The following SLC24A2 variants were observed in gnomAD, a reference collection of about 807,000 sequenced individuals.
The protein encoded by SLC24A2 is solute carrier family 24 member 2, also known as sodium/potassium/calcium exchanger 2.
Under a neutral mutation model 62.0 loss-of-function variants are expected in SLC24A2, and 36 were observed. The ratio of observed to expected loss-of-function variants is 0.58; its 90% confidence interval spans 0.44 to 0.77. The LOEUF is 0.77. Ranked by LOEUF, SLC24A2 falls within the 30% of genes least tolerant of loss-of-function variation. The pLI, the probability that SLC24A2 is intolerant of heterozygous loss-of-function variation, is 0.00. For missense variants in SLC24A2, 846 were observed against 817.9 expected (o/e 1.03, Z -0.42); for synonymous variants, 358 against 294.0 (o/e 1.22, Z -2.23).
Position 19,509,925 on chromosome 9 carries a change from C to G in SLC24A2, c.*6228G>C, listed in dbSNP as rs542590173. 1 of 152,280 alleles carries G rather than the reference C, an allele frequency of 6.6e-6. No individual in the cohort carries two copies. Among genetic ancestry groups the G allele is most frequent in the South Asian group, 2.1e-4 (1 of 4,824 alleles). 9.4% of individuals were successfully genotyped at this position (152,280 alleles called of 1,614,324 possible). ...CAATCAGTAGCTTTACAAATCCTAT[C>G]CAACCTACCACACAAAAGGATATAA... On this transcript the variant is annotated 3_prime_UTR_variant, in exon 11 of 11. Transcript: ENST00000341998.
At chr9:19,979,690 ATTAT>A in the SLC24A2 span, among the ~76,000 whole-genome samples, 2 of 152,160 alleles carry the variant, frequency 1.3e-5, no homozygotes, top group African/African-American at 4.8e-5. Flanking sequence ...GCTGTCCGAC[ATTAT>A]TTATGTACGG....
At chr9:20,009,383 C>CAAAAA in the SLC24A2 span, among the ~76,000 whole-genome samples, 3 of 112,338 alleles carry the variant, frequency 2.7e-5, no homozygotes, top group East Asian at 4.6e-4. Flanking sequence ...AACTCTGTCT[C>CAAAAA]AAAAAAAAAA....
intron 7 of SLC24A2, among the ~76,000 whole-genome samples, chr9:19,561,832 G>A (rs1835419573): frequency 6.6e-6 from 1 of 152,050 alleles, no homozygotes; most frequent in East Asian, 1.9e-4. Flanking sequence ...ATATATAGAT[G>A]GAAAAAATCA....
At chr9:19,902,227 GT>G in the SLC24A2 span, among the ~76,000 whole-genome samples, 2 of 152,224 alleles carry the variant, frequency 1.3e-5, no homozygotes, top group South Asian at 4.1e-4. Context: ...CAGGAATTCA[GT>G]TTTTAAGGCT....
chr9:20,008,754 A>G, the SLC24A2 span, among the ~76,000 whole-genome samples: 1 of 152,176 alleles, frequency 6.6e-6, no homozygotes, highest in Non-Finnish European at 1.5e-5. Context: ...CAGAGGTTGC[A>G]TTGAGTTCTC....
At chr9:19,801,190 A>G in the SLC24A2 span, among the ~76,000 whole-genome samples, 2 of 152,222 alleles carry the variant, frequency 1.3e-5, no homozygotes, top group African/African-American at 4.8e-5. Context: ...ATCTTGGGCC[A>G]TGCGGTGAGT....
At chr9:20,006,306 G>A in the SLC24A2 span, among the ~76,000 whole-genome samples, 1 of 151,502 alleles carries the variant, frequency 6.6e-6, no homozygotes, top group Non-Finnish European at 1.5e-5. Context: ...ATTGCTCAGA[G>A]TATTCATCAG....
chr9:19,711,970 C>T (rs1820727358), intron 2 of SLC24A2, among the ~76,000 whole-genome samples: 1 of 152,166 alleles, frequency 6.6e-6, no homozygotes, highest in African/African-American at 2.4e-5. Context: ...GCTAGCCAAT[C>T]AAGCATAAAT....
the SLC24A2 span, among the ~76,000 whole-genome samples, chr9:20,091,365 A>G: frequency 6.6e-6 from 1 of 152,100 alleles, no homozygotes. Flanking sequence ...AACCCCTTGC[A>G]AGATTCTATA....
At chr9:19,825,890 C>A in the SLC24A2 span, among the ~76,000 whole-genome samples, 1 of 152,040 alleles carries the variant, frequency 6.6e-6, no homozygotes, top group African/African-American at 2.4e-5. Context: ...AAAACTGAAA[C>A]CCTTAAAAGT....
At chr9:20,046,714 T>C in the SLC24A2 span, among the ~76,000 whole-genome samples, 3 of 152,208 alleles carry the variant, frequency 2.0e-5, no homozygotes, top group African/African-American at 4.8e-5. Flanking sequence ...GGAAACCTAC[T>C]CTGTGGTGGG....
At chr9:20,111,904 G>A in the SLC24A2 span, among the ~76,000 whole-genome samples, 11 of 152,088 alleles carry the variant, frequency 7.2e-5, no homozygotes, top group Admixed American at 2.6e-4. Flanking sequence ...AGAATCTTGT[G>A]TAAAGATTTG....
the SLC24A2 span, among the ~76,000 whole-genome samples, chr9:19,908,560 G>A: frequency 6.6e-6 from 1 of 152,166 alleles, no homozygotes; most frequent in Non-Finnish European, 1.5e-5. Flanking sequence ...CCTACAGAAT[G>A]AGAGAAAATT....
At chr9:19,541,494 G>C (rs1231323543) in intron 8 of SLC24A2, among the ~76,000 whole-genome samples, 2 of 149,594 alleles carry the variant, frequency 1.3e-5, no homozygotes, top group East Asian at 4.0e-4. Context: ...CCCTGCTGGG[G>C]GGTGCCTCCC....
At chr9:19,720,408 C>T (rs1820988343) in intron 2 of SLC24A2, among the ~76,000 whole-genome samples, 1 of 152,076 alleles carries the variant, frequency 6.6e-6, no homozygotes. Flanking sequence ...GAAAGAGCTG[C>T]AAAAGATGGT....
the SLC24A2 span, among the ~76,000 whole-genome samples, chr9:19,850,958 TA>T: frequency 0.016 from 407 of 26,032 alleles, 40 homozygotes; most frequent in African/African-American, 0.035. Flanking sequence ...TATATATATA[TA>T]TATATATGTA....
the SLC24A2 span, among the ~76,000 whole-genome samples, chr9:20,100,949 G>A: frequency 6.6e-6 from 1 of 152,094 alleles, no homozygotes; most frequent in African/African-American, 2.4e-5. Context: ...CTTAACAACA[G>A]GTATAAATAC....
At chr9:19,637,120 G>A (rs149739537) in intron 2 of SLC24A2, among the ~76,000 whole-genome samples, 273 of 152,278 alleles carry the variant, frequency 1.8e-3, no homozygotes, top group Admixed American at 3.5e-3. Flanking sequence ...AAAAGGACCC[G>A]TCTAGCCCAT....
At chr9:20,155,155 A>G in the SLC24A2 span, among the ~76,000 whole-genome samples, 1 of 151,660 alleles carries the variant, frequency 6.6e-6, no homozygotes, top group Non-Finnish European at 1.5e-5. Context: ...AAAGAAAAAA[A>G]AAAAAAACTA....
Sources: allele counts gnomAD v4.1 joint callset (sites outside exome capture counted in the v4.1 genomes callset), GRCh38; gene constraint gnomAD v4.1.1; transcripts MANE v1.5; gene names NCBI Gene and HGNC (gene_info 2026-07-23, HGNC 2026-07-21).